The following PTPRO variants were observed in gnomAD, a reference collection of about 807,000 sequenced individuals.
The protein encoded by PTPRO is protein tyrosine phosphatase receptor type O.
In PTPRO, 62 loss-of-function variants were observed where a neutral mutation model predicts 145.2. That is an observed-to-expected ratio of 0.43 (90% CI 0.35 to 0.53). The LOEUF (loss-of-function observed/expected upper bound fraction) is 0.53. Among genes scored for constraint, PTPRO ranks in the 20% least tolerant of loss-of-function variants. The probability of loss-of-function intolerance (pLI) is 0.01; values close to 1 mark genes in which losing one functional copy is unlikely to be tolerated. For synonymous variants in PTPRO, 565 were observed against 514.7 expected, an observed-to-expected ratio of 1.10 and a Z score of -1.32; for missense variants, 1,345 against 1,482.7, an observed-to-expected ratio of 0.91 and a Z score of 1.53.
At chr12:15,483,910 A>G (rs2136438960) in intron 1 of PTPRO, 64 bp from the exon 2 acceptor site, 3 of 1,525,874 alleles carry the variant, frequency 2.0e-6, no homozygotes, top group Non-Finnish European at 2.7e-6. Flanking sequence ...TTATCTTAGC[A>G]TAACTTTATT....
At chr12:15,406,082 C>G (rs1438492599) in intron 1 of PTPRO, among the ~76,000 whole-genome samples, 1 of 151,996 alleles carries the variant, frequency 6.6e-6, no homozygotes, top group Non-Finnish European at 1.5e-5. Flanking sequence ...TGTCTTTGGC[C>G]TACCATCCCA....
At chr12:15,518,231 C>T (rs1942640711) in intron 9 of PTPRO, among the ~76,000 whole-genome samples, 1 of 152,038 alleles carries the variant, frequency 6.6e-6, no homozygotes, top group African/African-American at 2.4e-5. Flanking sequence ...AGCCTTGGGG[C>T]TTGCACCCTC....
chr12:15,473,051 A>G (rs556836654), intron 1 of PTPRO, among the ~76,000 whole-genome samples: 5 of 152,312 alleles, frequency 3.3e-5, no homozygotes, highest in Non-Finnish European at 7.4e-5. Flanking sequence ...GCTCAGACCC[A>G]GTGACAGGGT....
At chr12:15,526,840 A>G (rs1472724754) in intron 12 of PTPRO, among the ~76,000 whole-genome samples, 1 of 152,136 alleles carries the variant, frequency 6.6e-6, no homozygotes, top group East Asian at 1.9e-4. Context: ...TTTATAAGAA[A>G]TAAAAAGATC....
At chr12:15,464,841 C>T (rs1941383243) in intron 1 of PTPRO, among the ~76,000 whole-genome samples, 1 of 152,084 alleles carries the variant, frequency 6.6e-6, no homozygotes, top group Non-Finnish European at 1.5e-5. Context: ...GAGACTTAAA[C>T]ATTTCTGTAA....
chr12:15,437,650 T>C (rs968637325), intron 1 of PTPRO, among the ~76,000 whole-genome samples: 2 of 152,014 alleles, frequency 1.3e-5, no homozygotes, highest in Admixed American at 6.5e-5. Context: ...TGTTCGTAGA[T>C]ATTGGTGCAG....
chr12:15,398,028 G>T (rs902760931), intron 1 of PTPRO, among the ~76,000 whole-genome samples: 1 of 152,070 alleles, frequency 6.6e-6, no homozygotes, highest in Non-Finnish European at 1.5e-5. Context: ...CCAAAACAGG[G>T]GCATGAGGCG....
At chr12:15,547,197 G>A (rs539772834) in intron 13 of PTPRO, among the ~76,000 whole-genome samples, 19 of 152,282 alleles carry the variant, frequency 1.2e-4, no homozygotes, top group Middle Eastern at 6.8e-3. Context: ...TAAAAGAAAC[G>A]TGCATATCTA....
rs538764026 is a variant in PTPRO, at chr12:15,394,380, C to T, written c.75+71579C>T. 6.1e-4 allele frequency among the ~76,000 whole-genome samples: 93 copies of T among 152,090 alleles called. 1 individual carries two copies. In the Middle Eastern group the frequency reaches 0.024, roughly 39 times the overall value. On this transcript the variant is annotated intron_variant, in intron 1 of 26. Transcript: ENST00000281171. ...CTCTTACTGAGAGGGACTGAGGGAT[C>T]ACATCCACCAAACCAGTAGTGCCAA...
At chr12:15,578,027 G>A (rs911039514) in intron 19 of PTPRO, among the ~76,000 whole-genome samples, 2 of 152,080 alleles carry the variant, frequency 1.3e-5, no homozygotes, top group Non-Finnish European at 2.9e-5. Flanking sequence ...ACCAATATAC[G>A]CAGGCAGACA....
At chr12:15,553,561 G>A (rs922846059) in intron 15 of PTPRO, among the ~76,000 whole-genome samples, 6 of 152,174 alleles carry the variant, frequency 3.9e-5, no homozygotes, top group East Asian at 1.9e-4. Context: ...TGACTAAAGC[G>A]GAGGAAGACA....
At chr12:15,385,811 CAAAAAAAAAAAA>C (rs761750012) in intron 1 of PTPRO, among the ~76,000 whole-genome samples, 3 of 37,120 alleles carry the variant, frequency 8.1e-5, no homozygotes, top group Non-Finnish European at 1.1e-4. Flanking sequence ...GACTCCATCT[CAAAAAAAAAAAA>C]AAAAAAAAAA....
At chr12:15,340,500 C>T (rs963869936) in intron 1 of PTPRO, among the ~76,000 whole-genome samples, 3 of 152,150 alleles carry the variant, frequency 2.0e-5, no homozygotes, top group Non-Finnish European at 2.9e-5. Context: ...GTCAATCTGT[C>T]AGGCACATGT....
At chr12:15,392,706 G>T (rs980159732) in intron 1 of PTPRO, among the ~76,000 whole-genome samples, 1 of 117,640 alleles carries the variant, frequency 8.5e-6, no homozygotes, top group Non-Finnish European at 1.7e-5. Flanking sequence ...GGGTGACAGA[G>T]TGAGACCCTG....
At chr12:15,389,558 G>T (rs1591767601) in intron 1 of PTPRO, among the ~76,000 whole-genome samples, 2 of 152,104 alleles carry the variant, frequency 1.3e-5, no homozygotes, top group Non-Finnish European at 2.9e-5. Flanking sequence ...GTCTAACCAT[G>T]TTCCCCACAT....
At chr12:15,455,817 C>T (rs529352842) in intron 1 of PTPRO, among the ~76,000 whole-genome samples, 21 of 152,252 alleles carry the variant, frequency 1.4e-4, no homozygotes, top group African/African-American at 2.4e-4. Context: ...GACAATTTGA[C>T]GTCCTCTTTT....
intron 1 of PTPRO, among the ~76,000 whole-genome samples, chr12:15,452,185 A>C (rs973562976): frequency 1.3e-5 from 2 of 152,234 alleles, no homozygotes; most frequent in African/African-American, 4.8e-5. Flanking sequence ...CCACAGAAAT[A>C]CAAAAGGTCA....
chr12:15,377,406 A>G (rs1271187213), intron 1 of PTPRO, among the ~76,000 whole-genome samples: 2 of 152,104 alleles, frequency 1.3e-5, no homozygotes, highest in Admixed American at 6.6e-5. Context: ...TCAACTCTAC[A>G]CTGTCTACAA....
intron 14 of PTPRO, among the ~76,000 whole-genome samples, chr12:15,549,696 G>A (rs1355386139): frequency 1.3e-5 from 2 of 152,094 alleles, no homozygotes; most frequent in African/African-American, 4.8e-5. Flanking sequence ...GTTAATGAAA[G>A]GTCTGGAATG....
Sources: allele counts gnomAD v4.1 joint callset (sites outside exome capture counted in the v4.1 genomes callset), GRCh38; gene constraint gnomAD v4.1.1; transcripts MANE v1.5; gene names NCBI Gene and HGNC (gene_info 2026-07-23, HGNC 2026-07-21).